The following DLGAP2 variants were observed in gnomAD, a reference collection of about 807,000 sequenced individuals.
The protein encoded by DLGAP2 is disks large-associated protein 2.
A neutral mutation model predicts 100.3 loss-of-function variants in DLGAP2; 26 were observed. That is an observed-to-expected ratio of 0.26 (90% confidence interval 0.19 to 0.36). DLGAP2 has a LOEUF of 0.36. Among genes scored for constraint, DLGAP2 ranks in the 10% least tolerant of loss-of-function variants. The pLI is 1.00. For synonymous variants in DLGAP2, 886 were observed against 630.1 expected (o/e 1.41, Z -6.08); for missense variants, 1,858 against 1,453.2 (o/e 1.28, Z -4.53).
At chr8:779,627 C>G (rs1821633782) in intron 1 of DLGAP2, among the ~76,000 whole-genome samples, 1 of 151,964 alleles carries the variant, frequency 6.6e-6, no homozygotes, top group African/African-American at 2.4e-5. Flanking sequence ...CCATGCCTAG[C>G]CTAATAGCAT....
chr8:1,042,971 G>T (rs1390653710), intron 2 of DLGAP2, among the ~76,000 whole-genome samples: 33 of 145,968 alleles, frequency 2.3e-4, no homozygotes, highest in Non-Finnish European at 3.5e-4. Flanking sequence ...GGTGGATGTG[G>T]GTGGTGGATG....
chr8:1,494,598 A>G (rs1031093254), intron 3 of DLGAP2, among the ~76,000 whole-genome samples: 6 of 152,128 alleles, frequency 3.9e-5, no homozygotes, highest in Non-Finnish European at 8.8e-5. Flanking sequence ...GCGTGGTGTC[A>G]GGCGCCTGTA....
At chr8:1,006,933 G>A (rs902228424) in intron 2 of DLGAP2, among the ~76,000 whole-genome samples, 7 of 144,258 alleles carry the variant, frequency 4.9e-5, no homozygotes, top group South Asian at 2.3e-4. Context: ...CTCAAGTCTC[G>A]GGATGTGGTC....
At chr8:1,429,259 A>G (rs1203006428) in intron 3 of DLGAP2, among the ~76,000 whole-genome samples, 3 of 152,032 alleles carry the variant, frequency 2.0e-5, no homozygotes, top group African/African-American at 7.3e-5. Context: ...GTGGTTTCTG[A>G]TTGGTAAGGG....
chr8:936,593 C>G (rs150469289), intron 2 of DLGAP2, among the ~76,000 whole-genome samples: 5 of 152,290 alleles, frequency 3.3e-5, no homozygotes, highest in African/African-American at 1.2e-4. Flanking sequence ...ACGACTGAGG[C>G]ACACCAGGCC....
intron 1 of DLGAP2, among the ~76,000 whole-genome samples, chr8:846,244 T>C (rs1797069611): frequency 6.6e-6 from 1 of 152,204 alleles, no homozygotes; most frequent in Admixed American, 6.5e-5. Flanking sequence ...AGTCTTCCTA[T>C]CTAACTGTAG....
intron 4 of DLGAP2, among the ~76,000 whole-genome samples, chr8:1,537,481 G>A (rs887229594): frequency 6.6e-6 from 1 of 150,680 alleles, no homozygotes; most frequent in Non-Finnish European, 1.5e-5. Flanking sequence ...CCCTGCCCCA[G>A]TCTCTCAGCT....
intron 6 of DLGAP2, among the ~76,000 whole-genome samples, chr8:1,596,909 T>G (rs756998464): frequency 2.3e-4 from 35 of 152,358 alleles, no homozygotes; most frequent in Non-Finnish European, 4.4e-4. Flanking sequence ...TTGCCATTGC[T>G]CTTGGTGTTT....
intron 2 of DLGAP2, among the ~76,000 whole-genome samples, chr8:1,131,786 T>A (rs548562305): frequency 1.3e-5 from 2 of 152,346 alleles, no homozygotes; most frequent in East Asian, 3.9e-4. Context: ...AGGGGTTTTA[T>A]CCAGAATATC....
At chr8:1,000,681 G>T (rs1305649866) in intron 2 of DLGAP2, among the ~76,000 whole-genome samples, 2 of 152,152 alleles carry the variant, frequency 1.3e-5, no homozygotes, top group African/African-American at 2.4e-5. Context: ...ATTACTGTTT[G>T]CTTTGATGTG....
chr8:1,489,537 C>T (rs1387166651), intron 3 of DLGAP2, among the ~76,000 whole-genome samples: 1 of 152,222 alleles, frequency 6.6e-6, no homozygotes, highest in Non-Finnish European at 1.5e-5. Context: ...AATTCAGATA[C>T]TGTCTTTTCC....
chr8:1,495,417 T>G (rs1799516869), intron 3 of DLGAP2, among the ~76,000 whole-genome samples: 1 of 152,194 alleles, frequency 6.6e-6, no homozygotes, highest in Non-Finnish European at 1.5e-5. Context: ...CTTCCCCTTC[T>G]GCTGTGCTGC....
intron 2 of DLGAP2, among the ~76,000 whole-genome samples, chr8:1,091,398 GATT>G (rs560171141): frequency 6.5e-4 from 99 of 152,350 alleles, no homozygotes; most frequent in African/African-American, 2.3e-3. Context: ...GGCCTCAGTG[GATT>G]CCTTTTCTCA....
chr8:1,498,110 C>T (rs1310222386), intron 3 of DLGAP2, among the ~76,000 whole-genome samples: 5 of 152,196 alleles, frequency 3.3e-5, no homozygotes, highest in East Asian at 3.9e-4. Context: ...AAACATTTTC[C>T]GATTGGCCAT....
chr8:1,323,028 C>G (rs572282890), intron 3 of DLGAP2, among the ~76,000 whole-genome samples: 2 of 151,078 alleles, frequency 1.3e-5, no homozygotes. Flanking sequence ...CTGTTAAACT[C>G]ACAATTTTTT....
intron 1 of DLGAP2, among the ~76,000 whole-genome samples, chr8:757,840 G>A (rs975858601): frequency 3.3e-5 from 5 of 152,156 alleles, no homozygotes; most frequent in Non-Finnish European, 5.9e-5. Context: ...GTCTCCTCTC[G>A]TGTATTTTAA....
At chr8:1,495,998 C>T (rs906975546) in intron 3 of DLGAP2, among the ~76,000 whole-genome samples, 7 of 152,120 alleles carry the variant, frequency 4.6e-5, no homozygotes, top group South Asian at 2.1e-4. Flanking sequence ...CAGGCAGTGA[C>T]GTGGGGCCCC....
intron 2 of DLGAP2, among the ~76,000 whole-genome samples, chr8:915,015 T>G (rs1043192290): frequency 2.6e-5 from 4 of 152,220 alleles, no homozygotes; most frequent in African/African-American, 9.6e-5. Context: ...ATCCTGTAAC[T>G]TTGTGTGTAA....
chr8:1,625,453 T>C (rs1040256981), intron 6 of DLGAP2, among the ~76,000 whole-genome samples: 1 of 152,182 alleles, frequency 6.6e-6, no homozygotes, highest in East Asian at 1.9e-4. Context: ...CCAGAGAACA[T>C]TGATTTATTT....
Sources: allele counts gnomAD v4.1 joint callset (sites outside exome capture counted in the v4.1 genomes callset), GRCh38; gene constraint gnomAD v4.1.1; transcripts MANE v1.5; gene names NCBI Gene and HGNC (gene_info 2026-07-23, HGNC 2026-07-21).